SLC35F3: variants seen among roughly 807,000 people sequenced by gnomAD.
The protein encoded by SLC35F3 is putative thiamine transporter SLC35F3.
Under a neutral mutation model 49.9 loss-of-function variants are expected in SLC35F3, and 25 were observed. The observed-to-expected ratio is 0.50, with a 90% CI of 0.37 to 0.70. SLC35F3 has a LOEUF of 0.70. Ranked by LOEUF, SLC35F3 falls within the 30% of genes least tolerant of loss-of-function variation. SLC35F3 has a pLI of 0.00. For synonymous variants in SLC35F3, 275 were observed against 265.4 expected, an observed-to-expected ratio of 1.04 and a Z score of -0.35; for missense variants, 525 against 639.8, an observed-to-expected ratio of 0.82 and a Z score of 1.94.
At chr1:234,100,588 A>G (rs2102882111) in intron 2 of SLC35F3, among the ~76,000 whole-genome samples, 1 of 152,352 alleles carries the variant, frequency 6.6e-6, no homozygotes, top group South Asian at 2.1e-4. Context: ...TTGTGGTTAT[A>G]ATCAATCTAA....
At chr1:234,108,761 AAAT>A (rs1665349327) in intron 2 of SLC35F3, among the ~76,000 whole-genome samples, 9 of 101,620 alleles carry the variant, frequency 8.9e-5, no homozygotes, top group Non-Finnish European at 1.8e-4. Context: ...AGATATATAT[AAAT>A]ATATATATCT....
At chr1:234,233,870 G>GT (rs1284423935) in intron 3 of SLC35F3, among the ~76,000 whole-genome samples, 1 of 152,012 alleles carries the variant, frequency 6.6e-6, no homozygotes, top group South Asian at 2.1e-4. Flanking sequence ...TTTTTTGTTT[G>GT]TTTTTTTCTG....
intron 2 of SLC35F3, among the ~76,000 whole-genome samples, chr1:233,971,480 G>A (rs960420531): frequency 2.6e-5 from 4 of 152,178 alleles, no homozygotes; most frequent in Admixed American, 6.5e-5. Flanking sequence ...CCAGCACTTT[G>A]GGAGGCCGAG....
chr1:234,080,229 G>A (rs545115544), intron 2 of SLC35F3, among the ~76,000 whole-genome samples: 1 of 152,222 alleles, frequency 6.6e-6, no homozygotes, highest in Non-Finnish European at 1.5e-5. Context: ...GAGCTTCCAG[G>A]TTGGTGAGCA....
intron 2 of SLC35F3, among the ~76,000 whole-genome samples, chr1:234,126,074 T>C (rs1271723383): frequency 1.3e-5 from 2 of 152,246 alleles, no homozygotes; most frequent in Non-Finnish European, 2.9e-5. Flanking sequence ...TGAGTTGTGA[T>C]GGTAGTAAAT....
chr1:233,967,889 A>G lies in SLC35F3; in HGVS notation c.283+62131A>G, dbSNP rs368297850. Among the ~76,000 whole-genome samples, 62 of 152,338 alleles carry G rather than the reference A, an allele frequency of 4.1e-4. No homozygotes were observed. In the East Asian group the frequency reaches 5.2e-3, roughly 13 times the overall value. On this transcript the variant is annotated intron_variant, in intron 2 of 7. Coordinates refer to ENST00000366618, the MANE Select transcript of SLC35F3 (RefSeq NM_173508.4). ...AAAGGAGAAACAGAAAAAACAACCC[A>G]TGGCTCCAAACTGAAACTGCAATTT...
intron 3 of SLC35F3, among the ~76,000 whole-genome samples, chr1:234,304,099 T>C (rs1453943384): frequency 6.6e-6 from 1 of 151,076 alleles, no homozygotes; most frequent in Non-Finnish European, 1.5e-5. Flanking sequence ...TCCTTCCTTC[T>C]TCCTCTCTCC....
At chr1:234,264,116 A>G (rs1297424557) in intron 3 of SLC35F3, among the ~76,000 whole-genome samples, 1 of 152,124 alleles carries the variant, frequency 6.6e-6, no homozygotes, top group African/African-American at 2.4e-5. Context: ...CTTAACAACA[A>G]CAACAAAAAA....
intron 2 of SLC35F3, among the ~76,000 whole-genome samples, chr1:234,088,943 G>A (rs1558226136): frequency 6.6e-6 from 1 of 151,980 alleles, no homozygotes; most frequent in Non-Finnish European, 1.5e-5. Context: ...TGTATTTTTA[G>A]TAGAGAGGAG....
chr1:234,212,215 A>T (rs1572096891), intron 2 of SLC35F3, among the ~76,000 whole-genome samples: 1 of 152,182 alleles, frequency 6.6e-6, no homozygotes, highest in South Asian at 2.1e-4. Flanking sequence ...GTGAAAACAG[A>T]CTAGTACAAC....
intron 2 of SLC35F3, among the ~76,000 whole-genome samples, chr1:234,080,082 A>G (rs1035865187): frequency 1.4e-4 from 21 of 152,330 alleles, no homozygotes; most frequent in African/African-American, 5.1e-4. Flanking sequence ...TCAAAGGGAT[A>G]GAACTTTCAG....
chr1:234,171,549 A>G (rs1412041057), intron 2 of SLC35F3, among the ~76,000 whole-genome samples: 1 of 152,214 alleles, frequency 6.6e-6, no homozygotes, highest in Non-Finnish European at 1.5e-5. Flanking sequence ...CACCAAATCA[A>G]GGAAAGAGCC....
rs149587357 is a variant in SLC35F3 at position 234,132,864 on chromosome 1, G to A, written c.284-98553G>A. Among the ~76,000 whole-genome samples the A allele has an allele frequency of 2.8e-4, 42 of 152,228 alleles. No homozygotes were observed. In the East Asian group the frequency reaches 5.4e-3, roughly 20 times the overall value. On this transcript the variant is annotated intron_variant, in intron 2 of 7. Coordinates refer to ENST00000366618, the MANE Select transcript of SLC35F3 (RefSeq NM_173508.4). ...CCACTCCAAAATATGAACATTCCAC[G>A]CAAAATTTCTAGTGGAAGCCAGAAA...
chr1:234,216,328 G>T (rs1227141664), intron 2 of SLC35F3, among the ~76,000 whole-genome samples: 2 of 152,196 alleles, frequency 1.3e-5, no homozygotes, highest in Non-Finnish European at 2.9e-5. Flanking sequence ...CCCACCTTAG[G>T]CAGGACAGGT....
chr1:234,114,481 A>G (rs927731526), intron 2 of SLC35F3, among the ~76,000 whole-genome samples: 1 of 152,192 alleles, frequency 6.6e-6, no homozygotes, highest in African/African-American at 2.4e-5. Flanking sequence ...ATGGAGTACT[A>G]TTAGTTTGAA....
intron 2 of SLC35F3, among the ~76,000 whole-genome samples, chr1:234,089,078 C>T (rs1310355065): frequency 2.0e-5 from 3 of 152,254 alleles, no homozygotes; most frequent in South Asian, 2.1e-4. Flanking sequence ...TCCAGGTAAT[C>T]GTTTATGCAC....
At chr1:234,102,412 A>C (rs1665227248) in intron 2 of SLC35F3, among the ~76,000 whole-genome samples, 1 of 152,136 alleles carries the variant, frequency 6.6e-6, no homozygotes, top group Non-Finnish European at 1.5e-5. Context: ...TGAGTTTGAG[A>C]AATGACTCCT....
chr1:234,262,766 T>C (rs1285073662), intron 3 of SLC35F3, among the ~76,000 whole-genome samples: 1 of 152,200 alleles, frequency 6.6e-6, no homozygotes, highest in Non-Finnish European at 1.5e-5. Context: ...TGAGACCCTC[T>C]GCACCACCAA....
At chr1:234,228,388 A>G (rs945129589) in intron 2 of SLC35F3, among the ~76,000 whole-genome samples, 7 of 152,186 alleles carry the variant, frequency 4.6e-5, no homozygotes, top group Admixed American at 4.6e-4. Flanking sequence ...CAGAATCTCT[A>G]TTTTACACGT....
Sources: allele counts gnomAD v4.1 joint callset (sites outside exome capture counted in the v4.1 genomes callset), GRCh38; gene constraint gnomAD v4.1.1; transcripts MANE v1.5; gene names NCBI Gene and HGNC (gene_info 2026-07-23, HGNC 2026-07-21).